Variants in ZNF804B observed in about 807,000 individuals in gnomAD.
The protein encoded by ZNF804B is zinc finger protein 804B.
ZNF804B carries 80 observed loss-of-function variants against 101.4 expected under a neutral mutation model. That is an observed-to-expected ratio of 0.79 (90% CI 0.66 to 0.95). ZNF804B has a LOEUF of 0.95. Ranked by LOEUF, ZNF804B falls within the 40% of genes least tolerant of loss-of-function variation. The pLI is 0.00. For synonymous variants in ZNF804B, 622 were observed against 558.8 expected (o/e 1.11, Z -1.59); for missense variants, 1,673 against 1,561.9 (o/e 1.07, Z -1.20).
chr7:89,074,153 C>T (rs548768578), intron 1 of ZNF804B, among the ~76,000 whole-genome samples: 6 of 152,284 alleles, frequency 3.9e-5, no homozygotes, highest in African/African-American at 1.2e-4. Flanking sequence ...TGTTCATTTA[C>T]GTGAGCCAAT....
chr7:88,783,088 T>A (rs180673246), intron 1 of ZNF804B, among the ~76,000 whole-genome samples: 1 of 152,274 alleles, frequency 6.6e-6, no homozygotes, highest in East Asian at 1.9e-4. Flanking sequence ...TAATATTGAG[T>A]ACCTTCATAA....
Position 89,336,387 on chromosome 7 carries a change from T to A in ZNF804B, c.3405T>A (p.Cys1135Ter), listed in dbSNP as rs915324235. 3 of 1,613,926 alleles carry A rather than the reference T, an allele frequency of 1.9e-6. No individual in the cohort carries two copies. In the African/African-American group the frequency reaches 4.0e-5, roughly 22 times the overall value. Residue 1135 changes from cysteine to a stop codon, truncating the protein, a stop_gained, in exon 4 of 4, where the codon TGT (cysteine) becomes TGA (stop). Transcript: ENST00000333190. LOFTEE classifies it high-confidence loss of function. Reference sequence around the variant, plus strand: ...AAGTCGAAGACGGATTAGAAATGTGTCATAAATCTATCTCTCCCCCTTTAA... The same window carrying A: ...AAGTCGAAGACGGATTAGAAATGTGACATAAATCTATCTCTCCCCCTTTAA... ...PDKVEDGLEM[C>*]HKSISPPLIQ...
intron 2 of ZNF804B, among the ~76,000 whole-genome samples, chr7:89,301,362 G>A (rs1435440548): frequency 6.6e-6 from 1 of 151,550 alleles, no homozygotes; most frequent in Non-Finnish European, 1.5e-5. Flanking sequence ...TAGCTTTCTT[G>A]CTGATGTGAC....
At chr7:88,887,554 C>T (rs1353039169) in intron 1 of ZNF804B, among the ~76,000 whole-genome samples, 2 of 152,082 alleles carry the variant, frequency 1.3e-5, no homozygotes, top group African/African-American at 4.8e-5. Flanking sequence ...CTTGTTCTTG[C>T]TAGCTTTGTC....
chr7:89,225,741 A>T (rs1789079774), intron 2 of ZNF804B, among the ~76,000 whole-genome samples: 1 of 152,178 alleles, frequency 6.6e-6, no homozygotes, highest in African/African-American at 2.4e-5. Context: ...TTAAGAAAAT[A>T]TTTGATCCCA....
At chr7:89,057,912 A>G (rs1393758761) in intron 1 of ZNF804B, among the ~76,000 whole-genome samples, 1 of 152,160 alleles carries the variant, frequency 6.6e-6, no homozygotes, top group Non-Finnish European at 1.5e-5. Context: ...GAAGTACATC[A>G]TTATTACAAA....
At chr7:89,019,599 T>C (rs1286460696) in intron 1 of ZNF804B, among the ~76,000 whole-genome samples, 1 of 152,052 alleles carries the variant, frequency 6.6e-6, no homozygotes, top group Admixed American at 6.6e-5. Flanking sequence ...CCTATTACTG[T>C]TTTGTGGCAC....
intron 1 of ZNF804B, among the ~76,000 whole-genome samples, chr7:88,829,920 C>A (rs1791107145): frequency 6.6e-6 from 1 of 152,064 alleles, no homozygotes. Context: ...TACCTTGAAT[C>A]AAAATTTTTC....
intron 1 of ZNF804B, among the ~76,000 whole-genome samples, chr7:89,123,890 G>T (rs916872438): frequency 3.3e-5 from 5 of 152,120 alleles, no homozygotes; most frequent in Admixed American, 2.0e-4. Flanking sequence ...ATTTATATAA[G>T]ACTTTCATTT....
chr7:88,848,405 A>G (rs899489922), intron 1 of ZNF804B, among the ~76,000 whole-genome samples: 1 of 152,142 alleles, frequency 6.6e-6, no homozygotes, highest in African/African-American at 2.4e-5. Flanking sequence ...ATGCAGGCCC[A>G]AACACAACTG....
At chr7:88,854,418 T>C (rs190077593) in intron 1 of ZNF804B, among the ~76,000 whole-genome samples, 1,670 of 84,642 alleles carry the variant, frequency 0.02, 76 homozygotes, top group African/African-American at 0.062. Context: ...TTTCTTCCTT[T>C]CTTTCTTTCT....
intron 1 of ZNF804B, among the ~76,000 whole-genome samples, chr7:89,183,109 G>C (rs1788322356): frequency 6.6e-6 from 1 of 152,154 alleles, no homozygotes; most frequent in African/African-American, 2.4e-5. Flanking sequence ...AGCCTTTCAT[G>C]TTGGCTAAAA....
chr7:89,267,791 G>A (rs1224781736), intron 2 of ZNF804B, among the ~76,000 whole-genome samples: 1 of 152,078 alleles, frequency 6.6e-6, no homozygotes, highest in Non-Finnish European at 1.5e-5. Context: ...AAATATATTT[G>A]TTTCTTAACA....
intron 2 of ZNF804B, among the ~76,000 whole-genome samples, chr7:89,305,903 T>G (rs2115932400): frequency 6.6e-6 from 1 of 152,134 alleles, no homozygotes; most frequent in African/African-American, 2.4e-5. Context: ...TTCTGATACT[T>G]TGTAAAGATA....
At chr7:89,271,552 A>C (rs1453732777) in intron 2 of ZNF804B, among the ~76,000 whole-genome samples, 2 of 152,016 alleles carry the variant, frequency 1.3e-5, no homozygotes, top group Non-Finnish European at 2.9e-5. Flanking sequence ...TGTCTCTGCC[A>C]GGCTTTGGTA....
intron 1 of ZNF804B, among the ~76,000 whole-genome samples, chr7:89,073,334 G>A (rs772560968): frequency 1.3e-5 from 2 of 152,040 alleles, no homozygotes; most frequent in Admixed American, 1.3e-4. Context: ...TCCTACCATG[G>A]GGAAGGGTTT....
At position 88,760,156 on chromosome 7, in the gene ZNF804B, T is replaced by G. The variant is rs948175571; in HGVS notation, c.108+72T>G. 39 of 1,237,778 alleles carry G rather than the reference T, an allele frequency of 3.2e-5. No individual in the cohort carries two copies. In the Admixed American group the frequency reaches 4.6e-4, roughly 15 times the overall value. The allele number at this position is 1,237,778 out of a possible 1,614,324, so 76.7% of individuals were successfully genotyped here. ...ACACAAACAAAAAGATATTGAGAGATAGTATCCTGATACAATGAGTAGGTG... is the reference window on the plus strand; with the variant it reads ...ACACAAACAAAAAGATATTGAGAGAGAGTATCCTGATACAATGAGTAGGTG... On this transcript the variant is annotated intron_variant, in intron 1 of 3. Transcript: ENST00000333190.
intron 1 of ZNF804B, among the ~76,000 whole-genome samples, chr7:88,802,619 A>G (rs1790608897): frequency 6.6e-6 from 1 of 152,152 alleles, no homozygotes; most frequent in South Asian, 2.1e-4. Context: ...TTTGTCCATC[A>G]AATTTAAGAA....
chr7:89,093,199 C>T (rs1050669405), intron 1 of ZNF804B, among the ~76,000 whole-genome samples: 2 of 152,100 alleles, frequency 1.3e-5, no homozygotes, highest in African/African-American at 2.4e-5. Context: ...CTGTTAAATT[C>T]TAGTATACAT....
Sources: allele counts gnomAD v4.1 joint callset (sites outside exome capture counted in the v4.1 genomes callset), GRCh38; gene constraint gnomAD v4.1.1; transcripts MANE v1.5; gene names NCBI Gene and HGNC (gene_info 2026-07-23, HGNC 2026-07-21).